Variants in DENND2A observed in about 807,000 individuals in gnomAD.
DENND2A encodes DENN domain containing 2A, also known as DENN domain-containing protein 2A.
A neutral mutation model predicts 105.3 loss-of-function variants in DENND2A; 53 were observed. The observed-to-expected ratio is 0.50, with a 90% CI of 0.40 to 0.63. The LOEUF is 0.63. Ranked by LOEUF, DENND2A falls within the 30% of genes least tolerant of loss-of-function variation. The pLI is 0.00. For synonymous variants in DENND2A, 522 were observed against 508.4 expected (o/e 1.03, Z -0.36); for missense variants, 1,138 against 1,279.6 (o/e 0.89, Z 1.69).
intron 3 of DENND2A, among the ~76,000 whole-genome samples, chr7:140,596,044 T>C (rs1032755112): frequency 2.0e-5 from 3 of 152,180 alleles, no homozygotes; most frequent in African/African-American, 7.2e-5. Context: ...GGGTAACTCC[T>C]CCACCGTGTA....
chr7:140,553,044 T>G (rs201008202), intron 12 of DENND2A, among the ~76,000 whole-genome samples: 2 of 151,908 alleles, frequency 1.3e-5, no homozygotes, highest in Non-Finnish European at 2.9e-5. Context: ...AATGAGAGAC[T>G]TGGAAAAGAA....
intron 1 of DENND2A, among the ~76,000 whole-genome samples, chr7:140,625,975 A>T (rs1800509557): frequency 6.6e-6 from 1 of 152,190 alleles, no homozygotes. Flanking sequence ...AAGATTTTAC[A>T]CAGGTCATTT....
rs114224605 is a variant in DENND2A at position 140,558,318 on chromosome 7, G to A, written c.1890-106C>T. 1,345 of 807,290 alleles carry A rather than the reference G, an allele frequency of 1.7e-3. 20 individuals are homozygous for A. In the African/African-American group the frequency reaches 0.02, roughly 12 times the overall value. The allele number at this position is 807,290 out of a possible 1,614,324, so 50.0% of individuals were successfully genotyped here. On this transcript the variant is annotated intron_variant, in intron 10 of 19. Coordinates refer to ENST00000496613, the MANE Select transcript of DENND2A (RefSeq NM_015689.5). The stretch of plus-strand genomic sequence containing the variant: ...GTGAGCAGCCATGGGACACACTGCA[G>A]GAGGCTGTAGGAAAGGCCACTCCCT...
At position 140,585,611 on chromosome 7, in the gene DENND2A, G is replaced by A. The variant is rs1798747331; in HGVS notation, c.1223C>T (p.Ser408Phe). 1 of 1,614,172 alleles carries A rather than the reference G, an allele frequency of 6.2e-7. No homozygotes were observed. Among genetic ancestry groups the A allele is most frequent in the East Asian group, 2.2e-5 (1 of 44,878 alleles). Residue 408 changes from serine to phenylalanine, a missense_variant, in exon 5 of 20, where the codon TCC becomes TTC. Coordinates refer to ENST00000496613, the MANE Select transcript of DENND2A (RefSeq NM_015689.5). ...VLNFPASPTS[S>F]IPDTLTKQSL... Reference sequence around the variant, plus strand: ...TACCTTGGTGAGTGTGTCAGGGATGGAAGAGGTGGGAGAAGCAGGAAAATT... The same window carrying A: ...TACCTTGGTGAGTGTGTCAGGGATGAAAGAGGTGGGAGAAGCAGGAAAATT...
intron 14 of DENND2A, among the ~76,000 whole-genome samples, chr7:140,536,882 C>G (rs1796473840): frequency 6.6e-6 from 1 of 151,768 alleles, no homozygotes; most frequent in Non-Finnish European, 1.5e-5. Flanking sequence ...AGGCTGGTCT[C>G]GAATTCCTGA....
At chr7:140,555,776 A>G in intron 11 of DENND2A, 63 bp from the exon 12 acceptor site, 1 of 1,461,696 alleles carries the variant, frequency 6.8e-7, no homozygotes. Context: ...AAAGGAACCC[A>G]CATGTTTTTT....
Position 140,546,831 on chromosome 7 carries a change from C to T in DENND2A, c.2146G>A (p.Val716Ile). ...CCTGAACCTGGCAGGAAGTTCTTGA[C>T]AAGGATGGTTTTGCCCAGGGCTGGG... is the stretch of plus-strand genomic sequence containing the variant. ...PFPALGKTIL[V>I]KNFLPGSGTE... Residue 716 changes from valine to isoleucine, a missense_variant, in exon 13 of 20, where the codon GTC becomes ATC. Physicochemically the swap from Val to Ile is conservative, Grantham distance 29. Around this residue, in one of 2 missense-constraint regions of DENND2A, gnomAD observed 627 missense variants for 779.8 expected, o/e 0.80. Coordinates refer to ENST00000496613, the MANE Select transcript of DENND2A (RefSeq NM_015689.5). 1.9e-6 allele frequency: 3 copies of T among 1,614,148 alleles called. No homozygotes were observed. The highest frequency in any genetic ancestry group is 2.5e-6 in the Non-Finnish European group (3 of 1,179,996).
chr7:140,638,031 G>C (rs1465932462), intron 1 of DENND2A, among the ~76,000 whole-genome samples: 2 of 152,146 alleles, frequency 1.3e-5, no homozygotes, highest in Admixed American at 6.5e-5. Flanking sequence ...AGGCAGTAAC[G>C]GGGAGTTTTA....
At chr7:140,587,325 T>G (rs1029351280) in intron 4 of DENND2A, among the ~76,000 whole-genome samples, 2 of 152,158 alleles carry the variant, frequency 1.3e-5, no homozygotes, top group African/African-American at 4.8e-5. Context: ...CTCAATGTCC[T>G]GCGGCCAACA....
At chr7:140,567,311 A>G (rs1009855136) in intron 8 of DENND2A, 38 bp from the exon 9 acceptor site, 3 of 1,306,812 alleles carry the variant, frequency 2.3e-6, no homozygotes, top group Non-Finnish European at 3.0e-6. Flanking sequence ...AGAAAGAGAG[A>G]GAGAGAGAGA....
chr7:140,586,966 C>T (rs1281648623), intron 4 of DENND2A, among the ~76,000 whole-genome samples: 1 of 152,178 alleles, frequency 6.6e-6, no homozygotes, highest in Non-Finnish European at 1.5e-5. Context: ...AGTTGGAGCT[C>T]GCCCTTCACT....
intron 3 of DENND2A, among the ~76,000 whole-genome samples, chr7:140,591,683 TTC>T (rs1441963417): frequency 5.6e-4 from 80 of 142,594 alleles, no homozygotes; most frequent in African/African-American, 2.2e-3. Flanking sequence ...CTTTCTTTCT[TTC>T]TTTCTTTCCT....
chr7:140,525,336 A>G (rs1316058119), intron 16 of DENND2A, among the ~76,000 whole-genome samples: 1 of 151,582 alleles, frequency 6.6e-6, no homozygotes, highest in Non-Finnish European at 1.5e-5. Flanking sequence ...TGTATTTTTA[A>G]TAGAGATGGG....
Position 140,523,181 on chromosome 7 carries a change from G to A in DENND2A, c.2665+126C>T. On this transcript the variant is annotated intron_variant, in intron 17 of 19. Transcript: ENST00000496613. The surrounding 1 kb of genome is among the most constrained non-coding windows in gnomAD (Gnocchi z 4.5). ...AATGAAATCCAGATAAACAGAATGA[G>A]GCCCTGGTTTCTCTCCTTATGTCTC... 1.2e-6 allele frequency: 1 copy of A among 811,886 alleles called. No individual in the cohort carries two copies. Among genetic ancestry groups the A allele is most frequent in the Non-Finnish European group, 2.1e-6 (1 of 486,368 alleles). 50.3% of individuals were successfully genotyped at this position (811,886 alleles called of 1,614,324 possible).
chr7:140,555,987 CAA>C (rs915698637), intron 11 of DENND2A, among the ~76,000 whole-genome samples: 12 of 150,718 alleles, frequency 8.0e-5, no homozygotes, highest in Non-Finnish European at 1.5e-4. Context: ...AATTTTCAAA[CAA>C]AAAAAAATCA....
At chr7:140,539,390 G>A (rs934131759) in intron 14 of DENND2A, among the ~76,000 whole-genome samples, 1 of 152,188 alleles carries the variant, frequency 6.6e-6, no homozygotes, top group Non-Finnish European at 1.5e-5. Flanking sequence ...AGGGAGGCGG[G>A]GAGGGCCCTG....
chr7:140,565,831 C>T (rs1041097415), intron 9 of DENND2A, among the ~76,000 whole-genome samples: 2 of 152,028 alleles, frequency 1.3e-5, no homozygotes, highest in East Asian at 1.9e-4. Context: ...GTAAAGAAGC[C>T]GGCCAAAACC....
chr7:140,537,077 C>G (rs376166976), intron 14 of DENND2A, among the ~76,000 whole-genome samples: 1 of 152,216 alleles, frequency 6.6e-6, no homozygotes, highest in African/African-American at 2.4e-5. Flanking sequence ...GCCAGAGCAG[C>G]AAGGTGGCAG....
At chr7:140,535,440 A>G (rs1796421727) in intron 14 of DENND2A, among the ~76,000 whole-genome samples, 1 of 152,134 alleles carries the variant, frequency 6.6e-6, no homozygotes, top group African/African-American at 2.4e-5. Flanking sequence ...CTTCAAGACA[A>G]CTAGTTCTGT....
Sources: gnomAD v4.1 joint callset for allele counts (sites outside exome capture counted in the v4.1 genomes callset) on GRCh38, gnomAD v4.1.1 for gene constraint, gnomAD v4.1.1 regional missense constraint, Gnocchi (gnomAD v3.1) non-coding constraint, MANE v1.5 for transcripts, NCBI Gene and HGNC (gene_info 2026-07-23, HGNC 2026-07-21) for gene names.